Variants in COQ8A observed in about 807,000 individuals in gnomAD.
COQ8A encodes the protein coenzyme Q8A, also known as atypical kinase COQ8A, mitochondrial.
A neutral mutation model predicts 65.0 loss-of-function variants in COQ8A; 51 were observed. The ratio of observed to expected loss-of-function variants is 0.78; its 90% confidence interval spans 0.63 to 0.99. COQ8A has a LOEUF of 0.99. Ranked by LOEUF, COQ8A falls within the 50% of genes least tolerant of loss-of-function variation. The probability of loss-of-function intolerance (pLI) is 0.00; values close to 1 mark genes in which losing one functional copy is unlikely to be tolerated. For synonymous variants in COQ8A, 371 were observed against 353.2 expected (o/e 1.05, Z -0.57); for missense variants, 940 against 875.0 (o/e 1.07, Z -0.94).
intron 12 of COQ8A, 21 bp downstream of exon 12, chr1:226,984,676 AC>A: frequency 6.2e-7 from 1 of 1,603,820 alleles, no homozygotes; most frequent in Non-Finnish European, 8.5e-7. Context: ...GGGTGGGGGC[AC>A]CCGCAGCCAG....
Position 226,940,315 on chromosome 1 carries a change from CGGGCG to C in COQ8A, c.-93_-89del, listed in dbSNP as rs1253450104. On this transcript the variant is annotated 5_prime_UTR_variant, in exon 1 of 15. Transcript: ENST00000366777. ...TGGTAAACAGATCCGGAGCGCGTGGCGGGCGTCAGCGCGGTGGCCAGCGCGCAGAG... is the reference window on the plus strand; with the variant it reads ...TGGTAAACAGATCCGGAGCGCGTGGCTCAGCGCGGTGGCCAGCGCGCAGAG... The C allele has an allele frequency of 1.3e-5, 2 of 152,428 alleles. No individual in the cohort carries two copies. 9.4% of individuals were successfully genotyped at this position (152,428 alleles called of 1,614,324 possible).
intron 4 of COQ8A, among the ~76,000 whole-genome samples, chr1:226,965,945 C>A (rs983883944): frequency 2.0e-5 from 3 of 152,236 alleles, no homozygotes; most frequent in Non-Finnish European, 2.9e-5. Context: ...GCCTGGCTCT[C>A]CCCTGCGGGT....
intron 1 of COQ8A, among the ~76,000 whole-genome samples, chr1:226,952,475 G>A (rs1017740317): frequency 6.6e-5 from 10 of 151,874 alleles, no homozygotes; most frequent in African/African-American, 1.2e-4. Context: ...GAGTGCAGTC[G>A]TGTGATCATA....
intron 1 of COQ8A, among the ~76,000 whole-genome samples, chr1:226,943,965 G>A (rs1161124315): frequency 2.6e-5 from 4 of 152,134 alleles, no homozygotes; most frequent in African/African-American, 9.7e-5. Context: ...GGAGGCATCA[G>A]TGCAGAGCCT....
chr1:226,970,646 C>T (rs534867010), intron 4 of COQ8A, among the ~76,000 whole-genome samples: 21 of 152,258 alleles, frequency 1.4e-4, no homozygotes, highest in South Asian at 6.2e-4. Context: ...GATTACAGCA[C>T]GCATCTTGAC....
intron 1 of COQ8A, among the ~76,000 whole-genome samples, chr1:226,956,059 C>CTCCCACTCTCCCTGGT (rs1657721961): frequency 9.2e-6 from 1 of 108,872 alleles, no homozygotes; most frequent in Non-Finnish European, 1.8e-5. Context: ...CTCTCCCTGG[C>CTCCCACTCTCCCTGGT]TCCCACTCTC....
chr1:226,985,430 C>T (rs1323692176), intron 14 of COQ8A, 90 bp downstream of exon 14: 4 of 1,492,942 alleles, frequency 2.7e-6, no homozygotes, highest in East Asian at 2.3e-5. Flanking sequence ...GGGGCAGCTG[C>T]CCTCAAGGGG....
At chr1:226,978,724 A>C (rs557924195) in intron 5 of COQ8A, among the ~76,000 whole-genome samples, 2 of 67,566 alleles carry the variant, frequency 3.0e-5, no homozygotes, top group African/African-American at 4.7e-5. Context: ...CCACACACCC[A>C]CCTCATACCT....
chr1:226,983,956 G>A, intron 10 of COQ8A, 102 bp downstream of exon 10: 1 of 1,543,728 alleles, frequency 6.5e-7, no homozygotes, highest in Admixed American at 1.8e-5. Flanking sequence ...GGGGCAGAGG[G>A]CTGGGGTTGC....
intron 4 of COQ8A, among the ~76,000 whole-genome samples, chr1:226,974,421 G>A (rs1045110083): frequency 6.6e-6 from 1 of 152,236 alleles, no homozygotes; most frequent in East Asian, 1.9e-4. Context: ...GGGCCAAGCC[G>A]GGGGCGCTCT....
Position 226,983,867 on chromosome 1 carries a change from G to C in COQ8A, c.1256+13G>C. On this transcript the variant is annotated intron_variant, in intron 10 of 14. Transcript: ENST00000366777. Reference sequence around the variant, plus strand: ...CCCGCAAGTTCAGGTGTGGCCCCCGGCCGGGCCCCTTGCGTGTTTGCACCA... The same window carrying C: ...CCCGCAAGTTCAGGTGTGGCCCCCGCCCGGGCCCCTTGCGTGTTTGCACCA... 1 of 1,595,692 alleles carries C rather than the reference G, an allele frequency of 6.3e-7. No homozygotes were observed. The highest frequency in any genetic ancestry group is 8.5e-7 in the Non-Finnish European group (1 of 1,172,700).
chr1:226,954,839 C>T (rs1202359616), intron 1 of COQ8A, among the ~76,000 whole-genome samples: 3 of 152,146 alleles, frequency 2.0e-5, no homozygotes, highest in South Asian at 2.1e-4. Flanking sequence ...GGCTGATATC[C>T]GACTGGGGAG....
intron 2 of COQ8A, among the ~76,000 whole-genome samples, chr1:226,964,417 C>T (rs1658434416): frequency 6.6e-6 from 1 of 152,232 alleles, no homozygotes; most frequent in Admixed American, 6.5e-5. Context: ...GGCGTATCCT[C>T]TCCCCTGCCC....
chr1:226,945,201 A>C (rs1656959817), intron 1 of COQ8A, among the ~76,000 whole-genome samples: 1 of 152,172 alleles, frequency 6.6e-6, no homozygotes, highest in African/African-American at 2.4e-5. Context: ...ACATGAGGAA[A>C]TGAGAAAACG....
intron 5 of COQ8A, among the ~76,000 whole-genome samples, chr1:226,978,511 A>ACCTCACAC (rs1558201539): frequency 4.0e-5 from 5 of 124,172 alleles, no homozygotes; most frequent in Non-Finnish European, 8.9e-5. Context: ...CCACACACCC[A>ACCTCACAC]CCGAACACCC....
rs891086045 is a variant in COQ8A at position 226,949,699 on chromosome 1, C to T, written c.-10+9300C>T. ...CCAGACTGATCCCATTCACCCTAACCGTTGGTCTCACCAAGTCTGAACTTC... is the reference window on the plus strand; with the variant it reads ...CCAGACTGATCCCATTCACCCTAACTGTTGGTCTCACCAAGTCTGAACTTC... On this transcript the variant is annotated intron_variant, in intron 1 of 14. Transcript: ENST00000366777. This position sits in a 1 kb window ranked among gnomAD's most constrained non-coding sequence, Gnocchi z 4.0. 2.6e-5 allele frequency among the ~76,000 whole-genome samples: 4 copies of T among 152,218 alleles called. No homozygotes were observed. Among genetic ancestry groups the T allele is most frequent in the Admixed American group, 6.5e-5 (1 of 15,282 alleles).
At chr1:226,977,658 TC>T in intron 5 of COQ8A, 135 bp downstream of exon 5, 1 of 963,808 alleles carries the variant, frequency 1.0e-6, no homozygotes, top group Non-Finnish European at 1.6e-6. Context: ...GTAAGTGGCG[TC>T]CCTGGGGTGA....
intron 4 of COQ8A, among the ~76,000 whole-genome samples, chr1:226,976,985 G>C (rs1163200673): frequency 6.6e-6 from 1 of 152,178 alleles, no homozygotes; most frequent in Admixed American, 6.5e-5. Flanking sequence ...CACCTTTCCT[G>C]TTCCAGTGAA....
chr1:226,976,211 G>A (rs1161304739), intron 4 of COQ8A, among the ~76,000 whole-genome samples: 2 of 33,536 alleles, frequency 6.0e-5, no homozygotes. Context: ...GGACTGCGAT[G>A]TTGCCTGGCT....
Sources: gnomAD v4.1 joint callset for allele counts (sites outside exome capture counted in the v4.1 genomes callset) on GRCh38, gnomAD v4.1.1 for gene constraint, Gnocchi (gnomAD v3.1) non-coding constraint, MANE v1.5 for transcripts, NCBI Gene and HGNC (gene_info 2026-07-23, HGNC 2026-07-21) for gene names.